The following ABCC3 variants were observed in gnomAD, a reference collection of about 807,000 sequenced individuals.
The protein encoded by ABCC3 is ATP binding cassette subfamily C member 3, also known as ATP-binding cassette sub-family C member 3.
A neutral mutation model predicts 165.3 loss-of-function variants in ABCC3; 121 were observed. That is an observed-to-expected ratio of 0.73 (90% CI 0.63 to 0.85). The LOEUF is 0.85. Among genes scored for constraint, ABCC3 ranks in the 40% least tolerant of loss-of-function variants. ABCC3 has a pLI of 0.00. For synonymous variants in ABCC3, 733 were observed against 810.1 expected, an observed-to-expected ratio of 0.90 and a Z score of 1.62; for missense variants, 1,869 against 1,964.1, an observed-to-expected ratio of 0.95 and a Z score of 0.92.
chr17:50,690,643 G>A (rs1319023619), intron 30 of ABCC3, among the ~76,000 whole-genome samples: 1 of 152,248 alleles, frequency 6.6e-6, no homozygotes, highest in Non-Finnish European at 1.5e-5. Flanking sequence ...AGCAGCCGCA[G>A]CAGCCGCCAC....
rs1247370803 is a variant in ABCC3 at position 50,656,968 on chromosome 17, G to A, written c.349-78G>A. 5.1e-6 allele frequency: 8 copies of A among 1,564,092 alleles called. No homozygotes were observed. The Admixed American group carries it at 1.5e-4, about 29-fold the overall frequency. ...AAGGGGGTGGCCCCAGAAACTTCTG[G>A]CCATGTGGGATGGGGAGAAATGGAG... On this transcript the variant is annotated intron_variant, in intron 3 of 30. Transcript: ENST00000285238.
At chr17:50,660,090 G>A (rs1967342821) in intron 7 of ABCC3, among the ~76,000 whole-genome samples, 4 of 152,134 alleles carry the variant, frequency 2.6e-5, no homozygotes, top group East Asian at 1.9e-4. Context: ...ACATGGAGCC[G>A]GCTGGCCCCA....
In ABCC3 at chr17:50,669,234, A is replaced by G; in HGVS notation, c.2032A>G (p.Met678Val). The G allele has an allele frequency of 4.3e-6, 7 of 1,613,764 alleles. No individual in the cohort carries two copies. Among genetic ancestry groups the G allele is most frequent in the Non-Finnish European group, 5.9e-6 (7 of 1,179,904 alleles). ...SSLVSALLGE[M>V]EKLEGKVHMK... ...CCTGGTGTCTGCCCTGCTGGGAGAG[A>G]TGGAGAAGCTAGAAGGCAAAGTGCA... The change falls in exon 16 of 31, where the codon ATG (methionine) becomes GTG (valine). Residue 678 changes from methionine (M) to valine (V), a missense_variant. Transcript: ENST00000285238.
chr17:50,652,439 A>G (rs142992374), intron 1 of ABCC3, among the ~76,000 whole-genome samples: 36 of 152,356 alleles, frequency 2.4e-4, no homozygotes, highest in African/African-American at 8.4e-4. Context: ...CCTATTATAA[A>G]GAGGCAATTT....
chr17:50,691,449 C>T lies in ABCC3; in HGVS notation c.*249C>T. 2.4e-6 allele frequency: 1 copy of T among 425,190 alleles called. No homozygotes were observed. Among genetic ancestry groups the T allele is most frequent in the Non-Finnish European group, 4.4e-6 (1 of 229,030 alleles). 26.3% of individuals were successfully genotyped at this position (425,190 alleles called of 1,614,324 possible). A position where few individuals can be genotyped will look rare whatever the true frequency, so the allele number is the denominator to read the frequency against. On this transcript the variant is annotated 3_prime_UTR_variant, in exon 31 of 31. Coordinates refer to ENST00000285238, the MANE Select transcript of ABCC3 (RefSeq NM_003786.4). The stretch of plus-strand genomic sequence containing the variant: ...TAGACTAGTCCCCGGTCTCCCGATT[C>T]CCAACTGAGTGTTATTTGCACACTG...
At chr17:50,683,001 C>T (rs991511755) in intron 26 of ABCC3, among the ~76,000 whole-genome samples, 9 of 152,014 alleles carry the variant, frequency 5.9e-5, no homozygotes, top group African/African-American at 1.7e-4. Flanking sequence ...GCTAGGAGTT[C>T]GAGACCAGCC....
intron 1 of ABCC3, chr17:50,636,004 C>T (rs1354239889): frequency 6.1e-6 from 1 of 164,698 alleles, no homozygotes; most frequent in African/African-American, 2.4e-5. Flanking sequence ...TTCAGGTGAG[C>T]TAAGTGCATA....
intron 1 of ABCC3, among the ~76,000 whole-genome samples, chr17:50,648,430 T>G (rs1285606489): frequency 6.6e-6 from 1 of 152,128 alleles, no homozygotes; most frequent in Non-Finnish European, 1.5e-5. Context: ...GCCAGGCAAA[T>G]TCCAGCCACC....
intron 17 of ABCC3, 43 bp downstream of exon 17, chr17:50,669,571 C>T (rs555892542): frequency 6.3e-7 from 1 of 1,595,850 alleles, no homozygotes; most frequent in South Asian, 1.1e-5. Flanking sequence ...GGGCATAGAG[C>T]TGCCCACCTC....
chr17:50,638,242 C>G (rs1237425072), intron 1 of ABCC3, among the ~76,000 whole-genome samples: 2 of 152,230 alleles, frequency 1.3e-5, no homozygotes, highest in Non-Finnish European at 2.9e-5. Flanking sequence ...GTTGGGAGCA[C>G]CTGGGTGGTG....
chr17:50,666,241 G>A (rs949457203), intron 11 of ABCC3, among the ~76,000 whole-genome samples: 1 of 152,144 alleles, frequency 6.6e-6, no homozygotes, highest in Non-Finnish European at 1.5e-5. Context: ...GGAGGCCGAG[G>A]CAGGTGGATC....
chr17:50,664,155 T>G, intron 10 of ABCC3, 44 bp downstream of exon 10: 1 of 1,608,146 alleles, frequency 6.2e-7, no homozygotes, highest in Non-Finnish European at 8.5e-7. Flanking sequence ...TCTGACATGC[T>G]GCAGAAGTGG....
rs141643154 is a variant in ABCC3 at position 50,679,351 on chromosome 17, A to G, written c.3706-447A>G. On this transcript the variant is annotated intron_variant, in intron 25 of 30. Coordinates refer to ENST00000285238, the MANE Select transcript of ABCC3 (RefSeq NM_003786.4). Reference sequence around the variant, plus strand: ...CTTGTTAAAATGTACATTTTGATTCAGTAGACCTAGGATGGGGCTCAGGAC... The same window carrying G: ...CTTGTTAAAATGTACATTTTGATTCGGTAGACCTAGGATGGGGCTCAGGAC... 617 of 153,702 alleles carry G rather than the reference A, an allele frequency of 4.0e-3. 15 individuals are homozygous for G. The highest frequency in any genetic ancestry group is 0.031 in the Admixed American group (481 of 15,356). The allele number at this position is 153,702 out of a possible 1,614,324, so 9.5% of individuals were successfully genotyped here.
rs1597851196 is a variant in ABCC3, at chr17:50,663,434, C to T, written c.999-247C>T. ...AGGCAGGTGAGGCTGGTGGTGAGAG[C>T]GTCATCGATAGGGCGTGCAGCAGGG... On this transcript the variant is annotated intron_variant, in intron 8 of 30. Transcript: ENST00000285238. The T allele has an allele frequency of 7.6e-6, 4 of 525,970 alleles. No homozygotes were observed. In the South Asian group the frequency reaches 8.2e-5, roughly 11 times the overall value. 32.6% of individuals were successfully genotyped at this position (525,970 alleles called of 1,614,324 possible).
intron 1 of ABCC3, among the ~76,000 whole-genome samples, chr17:50,643,865 C>A (rs1966937823): frequency 6.6e-6 from 1 of 151,896 alleles, no homozygotes; most frequent in Non-Finnish European, 1.5e-5. Context: ...TCTTGAGGAC[C>A]AGGTTGGGTG....
rs1254184775 is a variant in ABCC3 at position 50,676,371 on chromosome 17, G to A, written c.3161G>A (p.Arg1054His). 61 of 1,614,030 alleles carry A rather than the reference G, an allele frequency of 3.8e-5. No homozygotes were observed. The highest frequency in any genetic ancestry group is 6.7e-5 in the African/African-American group (5 of 74,908). ...CAGGCACTGCTGCACAACAAGATAC[G>A]CTCGCCACAGTCCTTCTTTGACACC... is the stretch of plus-strand genomic sequence containing the variant. ...LHQALLHNKI[R>H]SPQSFFDTTP... is the part of the protein sequence containing the mutation. The change falls in exon 23 of 31, where the codon CGC becomes CAC. Residue 1054 changes from arginine (R) to histidine (H), a missense_variant. By Grantham distance (29) the Arg-to-His change is conservative. Coordinates refer to ENST00000285238, the MANE Select transcript of ABCC3 (RefSeq NM_003786.4).
chr17:50,640,143 C>T (rs994451339), intron 1 of ABCC3, among the ~76,000 whole-genome samples: 15 of 152,206 alleles, frequency 9.9e-5, no homozygotes, highest in Admixed American at 3.9e-4. Flanking sequence ...AGGTGTTAGC[C>T]GCTCTGCTCC....
intron 10 of ABCC3, among the ~76,000 whole-genome samples, chr17:50,664,877 T>C (rs892283218): frequency 6.6e-6 from 1 of 152,078 alleles, no homozygotes; most frequent in African/African-American, 2.4e-5. Context: ...GGGAGGTGGG[T>C]GTGACTCTGG....
Position 50,683,653 on chromosome 17 carries a change from C to T in ABCC3, c.3851C>T (p.Pro1284Leu). Residue 1284 changes from proline to leucine, a missense_variant, in exon 27 of 31, where the codon CCC becomes CTC. Pro to Leu is a moderately conservative substitution (Grantham distance 98, BLOSUM62 -3). Transcript: ENST00000285238. ...GGCAGCCGCCCTCCCGAAGGTTGGC[C>T]CCCACGTGGGGAGGTGGAGTTCCGG... ...VEGSRPPEGW[P>L]PRGEVEFRNY... is the part of the protein sequence containing the mutation. 1 of 1,600,278 alleles carries T rather than the reference C, an allele frequency of 6.2e-7. No individual in the cohort carries two copies. The highest frequency in any genetic ancestry group is 1.7e-4 in the Middle Eastern group (1 of 6,010).
Sources: gnomAD v4.1 joint callset for allele counts (sites outside exome capture counted in the v4.1 genomes callset) on GRCh38, gnomAD v4.1.1 for gene constraint, MANE v1.5 for transcripts, NCBI Gene and HGNC (gene_info 2026-07-23, HGNC 2026-07-21) for gene names.